The following PDK1 variants were observed in gnomAD, a reference collection of about 807,000 sequenced individuals.
PDK1 encodes pyruvate dehydrogenase kinase 1, also known as [Pyruvate dehydrogenase (acetyl-transferring)] kinase isozyme 1, mitochondrial.
Under a neutral mutation model 54.2 loss-of-function variants are expected in PDK1, and 39 were observed. That is an observed-to-expected ratio of 0.72 (90% CI 0.56 to 0.94). The LOEUF (loss-of-function observed/expected upper bound fraction) is 0.94. Among genes scored for constraint, PDK1 ranks in the 40% least tolerant of loss-of-function variants. PDK1 has a pLI of 0.00. For synonymous variants in PDK1, 221 were observed against 207.1 expected, an observed-to-expected ratio of 1.07 and a Z score of -0.58; for missense variants, 552 against 566.0, an observed-to-expected ratio of 0.98 and a Z score of 0.25.
intron 9 of PDK1, among the ~76,000 whole-genome samples, chr2:172,591,131 A>C (rs1690552486): frequency 6.6e-6 from 1 of 152,172 alleles, no homozygotes; most frequent in African/African-American, 2.4e-5. Context: ...TCCATTTGTA[A>C]GACCATCTAT....
chr2:172,683,578 A>G, the PDK1 span, among the ~76,000 whole-genome samples: 1 of 152,312 alleles, frequency 6.6e-6, no homozygotes, highest in Admixed American at 6.5e-5. Context: ...GAAGATGTTG[A>G]ATAGATACAT....
At chr2:172,629,388 A>G in the PDK1 span, among the ~76,000 whole-genome samples, 3 of 152,182 alleles carry the variant, frequency 2.0e-5, no homozygotes, top group Admixed American at 1.3e-4. Flanking sequence ...GCAGAGCGGC[A>G]GAAAAAGGAA....
chr2:172,701,766 T>G, the PDK1 span, among the ~76,000 whole-genome samples: 1 of 152,066 alleles, frequency 6.6e-6, no homozygotes, highest in Admixed American at 6.5e-5. Context: ...TTCTATGTTC[T>G]TGGTGAACTG....
the PDK1 span, among the ~76,000 whole-genome samples, chr2:172,641,719 C>T: frequency 3.9e-5 from 6 of 152,180 alleles, no homozygotes; most frequent in African/African-American, 1.4e-4. Flanking sequence ...GTTGGGATTA[C>T]AGGCATGAGC....
At chr2:172,592,206 A>G (rs1690627295) in intron 9 of PDK1, among the ~76,000 whole-genome samples, 1 of 152,272 alleles carries the variant, frequency 6.6e-6, no homozygotes, top group African/African-American at 2.4e-5. Flanking sequence ...TTATAGGGTT[A>G]CAGAGAAGAC....
chr2:172,709,046 C>CTT, the PDK1 span, among the ~76,000 whole-genome samples: 6 of 151,824 alleles, frequency 4.0e-5, no homozygotes, highest in Admixed American at 2.6e-4. Flanking sequence ...CTCTCTCTCT[C>CTT]TTTTTTTTGT....
At chr2:172,624,379 A>G in the PDK1 span, among the ~76,000 whole-genome samples, 6 of 152,162 alleles carry the variant, frequency 3.9e-5, no homozygotes, top group East Asian at 1.9e-4. Context: ...TCTGCCTCCT[A>G]TCAGTTCAGT....
chr2:172,640,721 A>C, the PDK1 span, among the ~76,000 whole-genome samples: 1 of 152,226 alleles, frequency 6.6e-6, no homozygotes, highest in African/African-American at 2.4e-5. Flanking sequence ...ATAATATGTT[A>C]AAAATAGAAA....
At chr2:172,645,034 T>C in the PDK1 span, among the ~76,000 whole-genome samples, 4 of 152,090 alleles carry the variant, frequency 2.6e-5, no homozygotes, top group African/African-American at 9.7e-5. Context: ...GTGCTGGAAC[T>C]AGCTCATACC....
At chr2:172,573,152 T>C (rs1689374311) in intron 8 of PDK1, among the ~76,000 whole-genome samples, 1 of 152,200 alleles carries the variant, frequency 6.6e-6, no homozygotes, top group South Asian at 2.1e-4. Flanking sequence ...TCTGTTTAAC[T>C]TGAGAAACTG....
At chr2:172,708,624 C>A in the PDK1 span, among the ~76,000 whole-genome samples, 1 of 152,108 alleles carries the variant, frequency 6.6e-6, no homozygotes, top group Non-Finnish European at 1.5e-5. Flanking sequence ...GTTGAGTATT[C>A]CTTATCTGAA....
chr2:172,556,296 ACG>A lies in PDK1; in HGVS notation c.152_153del (p.Arg51LeufsTer21). ...GGCGTTCCGGGCCAGGTGGACTTCT[ACG>A]CGCGCTTCTCGCCGTCCCCGCTCTC... On this transcript the variant is annotated frameshift_variant, in exon 1 of 11. Transcript: ENST00000282077. LOFTEE classifies it high-confidence loss of function. 1.3e-6 allele frequency: 2 copies of A among 1,509,984 alleles called. No homozygotes were observed. Among genetic ancestry groups the A allele is most frequent in the Non-Finnish European group, 1.8e-6 (2 of 1,134,880 alleles). The allele number at this position is 1,509,984 out of a possible 1,614,324, so 93.5% of individuals were successfully genotyped here.
the PDK1 span, among the ~76,000 whole-genome samples, chr2:172,686,696 A>C: frequency 6.6e-6 from 1 of 152,196 alleles, no homozygotes; most frequent in Non-Finnish European, 1.5e-5. Context: ...CTCACAATAA[A>C]TCAGCTGTGC....
chr2:172,654,826 T>C, the PDK1 span, among the ~76,000 whole-genome samples: 1 of 152,144 alleles, frequency 6.6e-6, no homozygotes, highest in Non-Finnish European at 1.5e-5. Flanking sequence ...CCTAAGCAAG[T>C]CTACGGCCTC....
the PDK1 span, among the ~76,000 whole-genome samples, chr2:172,650,613 C>G: frequency 1.3e-5 from 2 of 151,144 alleles, no homozygotes; most frequent in Non-Finnish European, 2.9e-5. Context: ...CACATAGGCT[C>G]AAAATAAAGG....
rs2149186177 is a variant in PDK1, at chr2:172,558,720, C to T, written c.209C>T (p.Ala70Val). The T allele has an allele frequency of 6.2e-7, 1 of 1,605,848 alleles. No homozygotes were observed. The highest frequency in any genetic ancestry group is 8.5e-7 in the Non-Finnish European group (1 of 1,177,862). ...KQFLDFGSVN[A>V]CEKTSFMFLR... Reference sequence around the variant, plus strand: ...TGTTTGGTTTCAGGATCAGTGAATGCTTGTGAAAAGACCTCATTTATGTTT... The same window carrying T: ...TGTTTGGTTTCAGGATCAGTGAATGTTTGTGAAAAGACCTCATTTATGTTT... Residue 70 changes from alanine to valine, a missense_variant, in exon 2 of 11, where the codon GCT (alanine) becomes GTT (valine). Coordinates refer to ENST00000282077, the MANE Select transcript of PDK1 (RefSeq NM_002610.5).
the PDK1 span, among the ~76,000 whole-genome samples, chr2:172,715,644 G>A: frequency 2.0e-5 from 3 of 152,126 alleles, no homozygotes; most frequent in Admixed American, 6.6e-5. Context: ...GTGAACAGCC[G>A]GTGGGACACA....
chr2:172,618,194 A>T, the PDK1 span, among the ~76,000 whole-genome samples: 2 of 152,218 alleles, frequency 1.3e-5, no homozygotes, highest in African/African-American at 2.4e-5. Context: ...TGTAGGTAGG[A>T]CTTATTATAC....
the PDK1 span, among the ~76,000 whole-genome samples, chr2:172,701,643 GTT>G: frequency 8.4e-5 from 4 of 47,418 alleles, no homozygotes; most frequent in South Asian, 2.7e-3. Flanking sequence ...TTTTTTTTTT[GTT>G]TTGTTTTTTT....
Sources: allele counts gnomAD v4.1 joint callset (sites outside exome capture counted in the v4.1 genomes callset), GRCh38; gene constraint gnomAD v4.1.1; transcripts MANE v1.5; gene names NCBI Gene and HGNC (gene_info 2026-07-23, HGNC 2026-07-21).